Variants in STAT4 observed in about 807,000 individuals in gnomAD.
STAT4 encodes the protein signal transducer and activator of transcription 4.
A neutral mutation model predicts 110.5 loss-of-function variants in STAT4; 42 were observed. The ratio of observed to expected loss-of-function variants is 0.38; its 90% CI spans 0.30 to 0.49. The LOEUF (loss-of-function observed/expected upper bound fraction) is 0.49. STAT4 is among the 20% of genes least tolerant of loss of function. The pLI, the probability that STAT4 is intolerant of heterozygous loss-of-function variation, is 0.95. For missense variants in STAT4, 632 were observed against 887.9 expected (o/e 0.71, Z 3.66); for synonymous variants, 284 against 302.2 (o/e 0.94, Z 0.63).
chr2:191,042,409 T>C lies in STAT4; in HGVS notation c.1252-1261A>G, dbSNP rs1038794761. On this transcript the variant is annotated intron_variant, in intron 14 of 23. Transcript: ENST00000392320. This position sits in a 1 kb window ranked among gnomAD's most constrained non-coding sequence, Gnocchi z 4.2. ...CAGTTTATTCAATAAATATATGGCA[T>C]GTTGAAGGCGCAGATCAACCGTTTG... Among the ~76,000 whole-genome samples, 1 of 152,234 alleles carries C rather than the reference T, an allele frequency of 6.6e-6. No individual in the cohort carries two copies. The highest frequency in any genetic ancestry group is 1.5e-5 in the Non-Finnish European group (1 of 68,044).
At chr2:191,129,942 T>C (rs1698987077) in intron 3 of STAT4, among the ~76,000 whole-genome samples, 1 of 152,220 alleles carries the variant, frequency 6.6e-6, no homozygotes, top group Non-Finnish European at 1.5e-5. Context: ...ATTTTCGTGC[T>C]TTTAATTTCT....
chr2:191,089,295 A>G (rs1380796210), intron 3 of STAT4, among the ~76,000 whole-genome samples: 4 of 152,226 alleles, frequency 2.6e-5, no homozygotes, highest in Non-Finnish European at 5.9e-5. Context: ...AAAAATAGGC[A>G]TATGAAAAGA....
rs1307149974 is a variant in STAT4 at position 191,030,477 on chromosome 2, A to G, written c.2220+495T>C. Among the ~76,000 whole-genome samples, 2 of 152,192 alleles carry G rather than the reference A, an allele frequency of 1.3e-5. No homozygotes were observed. The highest frequency in any genetic ancestry group is 4.8e-5 in the African/African-American group (2 of 41,448). ...TGCCATTGACTGTTATTCATATATT[A>G]TTGATGAGGCTCCGGGTTCTAGAAA... is the stretch of plus-strand genomic sequence containing the variant. On this transcript the variant is annotated intron_variant, in intron 23 of 23. Transcript: ENST00000392320. The surrounding 1 kb of genome is among the most constrained non-coding windows in gnomAD (Gnocchi z 4.4).
upstream of STAT4, chr2:191,151,476 G>A: frequency 1.0e-6 from 1 of 985,580 alleles, no homozygotes; most frequent in Non-Finnish European, 1.2e-6. The surrounding 1 kb of genome is among the most constrained non-coding windows in gnomAD (Gnocchi z 4.7). Context: ...TTCCAGCGGG[G>A]TCCGCTCACT....
intron 3 of STAT4, among the ~76,000 whole-genome samples, chr2:191,121,734 A>G (rs1698737617): frequency 7.2e-6 from 1 of 139,144 alleles, no homozygotes; most frequent in Admixed American, 7.5e-5. Context: ...GAACACTTGG[A>G]CACAGGAAGG....
At position 191,107,208 on chromosome 2, in the gene STAT4, T is replaced by C. The variant is rs1032265127; in HGVS notation, c.274-30883A>G. On this transcript the variant is annotated intron_variant, in intron 3 of 23. Transcript: ENST00000392320. This position sits in a 1 kb window ranked among gnomAD's most constrained non-coding sequence, Gnocchi z 4.2. ...TTGTTTTGTGAGGTCTTTGGTATGATAGTAGTCATTTTATCCCCAGGGTCA... is the reference window on the plus strand; with the variant it reads ...TTGTTTTGTGAGGTCTTTGGTATGACAGTAGTCATTTTATCCCCAGGGTCA... Among the ~76,000 whole-genome samples the C allele has an allele frequency of 1.3e-5, 2 of 152,214 alleles. No homozygotes were observed. The highest frequency in any genetic ancestry group is 4.8e-5 in the African/African-American group (2 of 41,458).
rs1228712024 is a variant in STAT4, at chr2:191,069,788, A to T, written c.466-17T>A. 1.3e-6 allele frequency: 2 copies of T among 1,582,128 alleles called. No homozygotes were observed. The highest frequency in any genetic ancestry group is 1.7e-6 in the Non-Finnish European group (2 of 1,158,978). On this transcript the variant is annotated splice_polypyrimidine_tract_variant and intron_variant, in intron 5 of 23. Transcript: ENST00000392320. ...TTCTGTCATCTTTTCACAAAAGAAA[A>T]CATACTCACTCTGCTGTCACAATTA...
rs1433368233 is a variant in STAT4, at chr2:191,148,208, T to C, written c.-1-4A>G. The C allele has an allele frequency of 1.9e-6, 3 of 1,612,996 alleles. No individual in the cohort carries two copies. Among genetic ancestry groups the C allele is most frequent in the South Asian group, 1.1e-5 (1 of 90,986 alleles). On this transcript the variant is annotated splice_polypyrimidine_tract_variant and splice_region_variant and intron_variant, in intron 1 of 23. Transcript: ENST00000392320. ...GACTTGATTCCACTGAGACATGCTA[T>C]AAAAGAAGGTGTAGAATTAGAGTTT... is the stretch of plus-strand genomic sequence containing the variant.
intron 3 of STAT4, among the ~76,000 whole-genome samples, chr2:191,137,340 GA>G (rs1173825730): frequency 4.0e-5 from 6 of 151,670 alleles, no homozygotes; most frequent in African/African-American, 7.3e-5. Context: ...TCAAAAAAAA[GA>G]AAAAAAATTG....
Position 191,051,991 on chromosome 2 carries a change from C to A in STAT4, c.1251+2499G>T, listed in dbSNP as rs143403334. ...TGTCCAGTATATAGTAAATGCCACA[C>A]GAGGATTGTTGAAGACATTCTTAGC... On this transcript the variant is annotated intron_variant, in intron 14 of 23. Transcript: ENST00000392320. The surrounding 1 kb of genome is among the most constrained non-coding windows in gnomAD (Gnocchi z 5.6). Among the ~76,000 whole-genome samples, 209 of 152,268 alleles carry A rather than the reference C, an allele frequency of 1.4e-3. No individual in the cohort carries two copies. Among genetic ancestry groups the A allele is most frequent in the African/African-American group, 4.9e-3 (203 of 41,564 alleles).
chr2:191,032,543 C>G lies in STAT4; in HGVS notation c.2044+415G>C, dbSNP rs1157496495. Among the ~76,000 whole-genome samples the G allele has an allele frequency of 6.6e-6, 1 of 152,106 alleles. No homozygotes were observed. Among genetic ancestry groups the G allele is most frequent in the Non-Finnish European group, 1.5e-5 (1 of 68,002 alleles). ...CTACAGTAAGGTTAAAAATATAAAA[C>G]TTATAAACCCTGGGGTTCCTTTGCA... On this transcript the variant is annotated intron_variant, in intron 21 of 23. Transcript: ENST00000392320. The surrounding 1 kb of genome is among the most constrained non-coding windows in gnomAD (Gnocchi z 4.9).
At position 191,033,624 on chromosome 2, in the gene STAT4, T is replaced by A; in HGVS notation, c.1718A>T (p.Tyr573Phe). 10 of 1,609,942 alleles carry A rather than the reference T, an allele frequency of 6.2e-6. No individual in the cohort carries two copies. Among genetic ancestry groups the A allele is most frequent in the Middle Eastern group, 1.7e-4 (1 of 6,040 alleles). The change falls in exon 20 of 24, where the codon TAT becomes TTT. Residue 573 changes from tyrosine (Y) to phenylalanine (F), a missense_variant and splice_region_variant. Physicochemically the swap from Tyr to Phe is conservative, Grantham distance 22. Transcript: ENST00000392320. The surrounding 1 kb of genome is among the most constrained non-coding windows in gnomAD (Gnocchi z 6.9). ...CTCTTTGCTAACAAAGCCCATGACA[T>A]ACCTAAAAATAGAACATGCATTATT... ...KHILPLWIDG[Y>F]VMGFVSKEKE...
chr2:191,078,970 T>C (rs946854395), intron 3 of STAT4, among the ~76,000 whole-genome samples: 9 of 152,258 alleles, frequency 5.9e-5, no homozygotes, highest in East Asian at 1.9e-4. Flanking sequence ...TTCATTTTTT[T>C]CCACATGTCT....
intron 3 of STAT4, among the ~76,000 whole-genome samples, chr2:191,081,362 T>C (rs1697473017): frequency 6.6e-6 from 1 of 152,226 alleles, no homozygotes; most frequent in Non-Finnish European, 1.5e-5. Flanking sequence ...TACCCAGTAA[T>C]GGGATTGCTG....
In STAT4 at chr2:191,112,517, A is replaced by C. The variant is rs1698452269; in HGVS notation, c.273+34096T>G. Reference sequence around the variant, plus strand: ...TGAATACATATGGGTATATGTATGCATATATATTTTTTACTAAAACATGCC... The same window carrying C: ...TGAATACATATGGGTATATGTATGCCTATATATTTTTTACTAAAACATGCC... On this transcript the variant is annotated intron_variant, in intron 3 of 23. Coordinates refer to ENST00000392320, the MANE Select transcript of STAT4 (RefSeq NM_003151.4). The surrounding 1 kb of genome is among the most constrained non-coding windows in gnomAD (Gnocchi z 4.3). 6.6e-6 allele frequency among the ~76,000 whole-genome samples: 1 copy of C among 152,252 alleles called. No homozygotes were observed. The highest frequency in any genetic ancestry group is 2.4e-5 in the African/African-American group (1 of 41,468).
chr2:191,123,967 C>A (rs1698807838), intron 3 of STAT4, among the ~76,000 whole-genome samples: 1 of 152,192 alleles, frequency 6.6e-6, no homozygotes, highest in Non-Finnish European at 1.5e-5. Context: ...CTGTACACTT[C>A]TTTGCAAAAC....
In STAT4 at chr2:191,034,631, G is replaced by A. The variant is rs116809401; in HGVS notation, c.1571-34C>T. ...AAAGAAAAGAATGAAATTTTTCACTGGACAATGAGATGCTTCAATTTTGTG... is the reference window on the plus strand; with the variant it reads ...AAAGAAAAGAATGAAATTTTTCACTAGACAATGAGATGCTTCAATTTTGTG... On this transcript the variant is annotated intron_variant, in intron 17 of 23. Transcript: ENST00000392320. 1.0e-4 allele frequency: 156 copies of A among 1,510,816 alleles called. 1 individual carries two copies. The African/African-American group carries it at 2.0e-3, about 20-fold the overall frequency. 93.6% of individuals were successfully genotyped at this position (1,510,816 alleles called of 1,614,324 possible).
At chr2:191,109,598 G>T (rs1241266737) in intron 3 of STAT4, among the ~76,000 whole-genome samples, 1 of 152,216 alleles carries the variant, frequency 6.6e-6, no homozygotes, top group East Asian at 1.9e-4. Context: ...GGCTGACCTG[G>T]AACTCAAACC....
At chr2:191,078,864 A>G (rs1697387899) in intron 3 of STAT4, among the ~76,000 whole-genome samples, 1 of 152,142 alleles carries the variant, frequency 6.6e-6, no homozygotes, top group Non-Finnish European at 1.5e-5. Flanking sequence ...TGATTTAAGA[A>G]ATCTTTCTGT....
Sources: gnomAD v4.1 joint callset for allele counts (sites outside exome capture counted in the v4.1 genomes callset) on GRCh38, gnomAD v4.1.1 for gene constraint, Gnocchi (gnomAD v3.1) non-coding constraint, MANE v1.5 for transcripts, NCBI Gene and HGNC (gene_info 2026-07-23, HGNC 2026-07-21) for gene names.